SLC5A4: variants seen among roughly 807,000 people sequenced by gnomAD.
The protein encoded by SLC5A4 is probable glucose sensor protein SLC5A4.
Under a neutral mutation model 70.3 loss-of-function variants are expected in SLC5A4, and 55 were observed. That is an observed-to-expected ratio of 0.78 (90% confidence interval 0.63 to 0.98). SLC5A4 has a LOEUF of 0.98. Ranked by LOEUF, SLC5A4 falls within the 50% of genes least tolerant of loss-of-function variation. SLC5A4 has a pLI of 0.00. For synonymous variants in SLC5A4, 268 were observed against 305.7 expected, an observed-to-expected ratio of 0.88 and a Z score of 1.29; for missense variants, 735 against 839.2, an observed-to-expected ratio of 0.88 and a Z score of 1.53.
At chr22:32,340,613 T>TG in the SLC5A4 span, among the ~76,000 whole-genome samples, 2 of 152,172 alleles carry the variant, frequency 1.3e-5, no homozygotes, top group African/African-American at 4.8e-5. Flanking sequence ...AAGGCCCCTT[T>TG]GATCGGGTGA....
intron 11 of SLC5A4, among the ~76,000 whole-genome samples, chr22:32,228,565 A>G (rs2123881923): frequency 6.6e-6 from 1 of 152,240 alleles, no homozygotes; most frequent in Non-Finnish European, 1.5e-5. Flanking sequence ...TGCTATGACA[A>G]TATAGGGTCT....
At position 32,231,058 on chromosome 22, in the gene SLC5A4, C is replaced by CCA. The variant is rs751305692; in HGVS notation, c.1037_1038dup (p.Val347TrpfsTer7). ...CAGTGTTTCACGCATTCAGAAGGTA[C>CCA]CACACATGCTACCATATCTGGGGAA... On this transcript the variant is annotated frameshift_variant, in exon 10 of 15. Coordinates refer to ENST00000266086, the MANE Select transcript of SLC5A4 (RefSeq NM_014227.3). LOFTEE classifies it high-confidence loss of function. 2.9e-5 allele frequency: 46 copies of CCA among 1,612,408 alleles called. No homozygotes were observed. The African/African-American group carries it at 5.9e-4, about 21-fold the overall frequency.
chr22:32,330,935 A>ATGTGTTGGGGGCTCTGGTGTGTG, the SLC5A4 span, among the ~76,000 whole-genome samples: 1 of 19,234 alleles, frequency 5.2e-5, no homozygotes, highest in Admixed American at 6.6e-4. Context: ...TCTGGTGTGT[A>ATGTGTTGGGGGCTCTGGTGTGTG]TGTGTTGGAG....
chr22:32,327,904 T>C, the SLC5A4 span, among the ~76,000 whole-genome samples: 2 of 152,148 alleles, frequency 1.3e-5, no homozygotes, highest in African/African-American at 4.8e-5. Flanking sequence ...GGGCATGGCA[T>C]GGGAGGCCTC....
the SLC5A4 span, among the ~76,000 whole-genome samples, chr22:32,305,861 C>G: frequency 6.6e-6 from 1 of 151,158 alleles, no homozygotes; most frequent in Admixed American, 6.6e-5. Flanking sequence ...GCTTTCGGCT[C>G]TGTCTCGTCT....
the SLC5A4 span, among the ~76,000 whole-genome samples, chr22:32,323,801 G>GC: frequency 3.3e-5 from 5 of 152,254 alleles, no homozygotes; most frequent in African/African-American, 4.8e-5. Context: ...ACCCTTGCCT[G>GC]TGGGCCACAG....
At chr22:32,351,741 GGGA>G in the SLC5A4 span, among the ~76,000 whole-genome samples, 1 of 45,292 alleles carries the variant, frequency 2.2e-5, no homozygotes, top group African/African-American at 1.5e-4. Flanking sequence ...GGGCGGTGGG[GGGA>G]GGGCGGGGGG....
At chr22:32,283,415 C>T in the SLC5A4 span, among the ~76,000 whole-genome samples, 6 of 152,226 alleles carry the variant, frequency 3.9e-5, no homozygotes, top group East Asian at 1.9e-4. Context: ...CAGCTACAGA[C>T]GTGACACACT....
At chr22:32,248,697 G>A in intron 4 of SLC5A4, 46 bp downstream of exon 4, 1 of 1,245,358 alleles carries the variant, frequency 8.0e-7, no homozygotes, top group Non-Finnish European at 1.2e-6. Flanking sequence ...GCAGTGAGCA[G>A]CAGTGCCTAG....
At chr22:32,283,200 C>T in the SLC5A4 span, among the ~76,000 whole-genome samples, 1 of 152,252 alleles carries the variant, frequency 6.6e-6, no homozygotes, top group African/African-American at 2.4e-5. Context: ...TGCCCTCTTT[C>T]CCATTCCTCC....
the SLC5A4 span, among the ~76,000 whole-genome samples, chr22:32,353,044 T>C: frequency 6.6e-6 from 1 of 152,194 alleles, no homozygotes. Context: ...GTGGTAGCGT[T>C]AGAGCCTCAC....
chr22:32,305,795 G>C, the SLC5A4 span, among the ~76,000 whole-genome samples: 1 of 151,358 alleles, frequency 6.6e-6, no homozygotes, highest in Non-Finnish European at 1.5e-5. Context: ...TCACACCAGG[G>C]GCCACTGAAG....
At chr22:32,310,081 TG>T in the SLC5A4 span, among the ~76,000 whole-genome samples, 6,680 of 39,264 alleles carry the variant, frequency 0.17, 186 homozygotes, top group Middle Eastern at 0.24. Flanking sequence ...GGACGGGGGA[TG>T]GGGGGGGTGG....
At chr22:32,241,112 A>G (rs1299264347) in intron 5 of SLC5A4, among the ~76,000 whole-genome samples, 5 of 152,344 alleles carry the variant, frequency 3.3e-5, no homozygotes, top group Middle Eastern at 6.8e-3. Flanking sequence ...ATCTGGGAGG[A>G]GGCAGAGAGA....
chr22:32,326,192 T>TC, the SLC5A4 span, among the ~76,000 whole-genome samples: 1 of 151,930 alleles, frequency 6.6e-6, no homozygotes, highest in South Asian at 2.1e-4. Context: ...GACAATGTGT[T>TC]CCCCAGCAGC....
chr22:32,244,441 G>A (rs1398172938), intron 5 of SLC5A4, among the ~76,000 whole-genome samples: 1 of 152,010 alleles, frequency 6.6e-6, no homozygotes, highest in Non-Finnish European at 1.5e-5. Context: ...ATCTTATTAT[G>A]GATTCTTTGA....
intron 13 of SLC5A4, among the ~76,000 whole-genome samples, chr22:32,222,038 T>A (rs536468070): frequency 6.6e-6 from 1 of 152,356 alleles, no homozygotes; most frequent in African/African-American, 2.4e-5. Flanking sequence ...ATGACAGGCG[T>A]GAGCCACTGC....
the SLC5A4 span, among the ~76,000 whole-genome samples, chr22:32,294,768 C>T: frequency 2.4e-5 from 3 of 126,498 alleles, no homozygotes; most frequent in African/African-American, 8.7e-5. Context: ...CACCCACTAA[C>T]TCATCATCTA....
the SLC5A4 span, among the ~76,000 whole-genome samples, chr22:32,347,117 C>G: frequency 6.6e-6 from 1 of 152,224 alleles, no homozygotes; most frequent in African/African-American, 2.4e-5. Flanking sequence ...CTCATCATCA[C>G]TGGCCATCAG....
Sources: gnomAD v4.1 joint callset for allele counts (sites outside exome capture counted in the v4.1 genomes callset) on GRCh38, gnomAD v4.1.1 for gene constraint, MANE v1.5 for transcripts, NCBI Gene and HGNC (gene_info 2026-07-23, HGNC 2026-07-21) for gene names.